The following ERBIN variants were observed in gnomAD, a reference collection of about 807,000 sequenced individuals.
ERBIN encodes densin-180-like protein.
In ERBIN, 60 loss-of-function variants were observed where a neutral mutation model predicts 158.4. That is an observed-to-expected ratio of 0.38 (90% confidence interval 0.31 to 0.47). The LOEUF (loss-of-function observed/expected upper bound fraction) is 0.47. Ranked by LOEUF, ERBIN falls within the 20% of genes least tolerant of loss-of-function variation. ERBIN has a pLI of 0.99. For synonymous variants in ERBIN, 594 were observed against 557.2 expected (o/e 1.07, Z -0.93); for missense variants, 1,610 against 1,648.0 (o/e 0.98, Z 0.40).
intron 1 of ERBIN, among the ~76,000 whole-genome samples, chr5:65,977,141 G>C (rs1322996923): frequency 6.7e-6 from 1 of 148,510 alleles, no homozygotes; most frequent in South Asian, 2.2e-4. Flanking sequence ...TGGCCGGGCG[G>C]GGGGCTGACT....
intron 1 of ERBIN, among the ~76,000 whole-genome samples, chr5:65,978,933 TCTA>T (rs1214068816): frequency 6.6e-6 from 1 of 152,138 alleles, no homozygotes; most frequent in African/African-American, 2.4e-5. Flanking sequence ...AACCCAAGCT[TCTA>T]CTACCTCAGA....
At chr5:66,006,553 TAAAC>T (rs1753622796) in intron 4 of ERBIN, among the ~76,000 whole-genome samples, 1 of 152,046 alleles carries the variant, frequency 6.6e-6, no homozygotes. Flanking sequence ...GGGATCTAAT[TAAAC>T]TAAAGAGCTT....
intron 1 of ERBIN, among the ~76,000 whole-genome samples, chr5:65,977,983 G>GGGAGAGGGAGAA (rs1319842628): frequency 3.3e-5 from 5 of 151,948 alleles, no homozygotes; most frequent in African/African-American, 1.2e-4. Context: ...GAGAGGGAGA[G>GGGAGAGGGAGAA]GGAGCGAGAA....
intron 4 of ERBIN, among the ~76,000 whole-genome samples, chr5:66,006,995 A>G (rs1753672502): frequency 2.1e-5 from 1 of 48,778 alleles, no homozygotes; most frequent in Non-Finnish European, 5.8e-5. Flanking sequence ...TTCCTTAGGG[A>G]TCTAGAATAG....
In ERBIN at chr5:66,076,351, A is replaced by G. The variant is rs1761980826; in HGVS notation, c.3999A>G (p.Gly1333=). ...RVRVEKDPEL[G]FSISGGVGGR... is the part of the protein sequence containing the mutation. The stretch of plus-strand genomic sequence containing the variant: ...GGGTTGAAAAGGATCCAGAACTTGG[A>G]TTTAGCATATCAGGTGGTGTCGGGG... Residue 1333 remains glycine (G), a synonymous_variant, in exon 24 of 26, where the codon GGA becomes GGG. Coordinates refer to ENST00000284037, the MANE Select transcript of ERBIN (RefSeq NM_001253697.2). 1 of 1,613,564 alleles carries G rather than the reference A, an allele frequency of 6.2e-7. No individual in the cohort carries two copies. Among genetic ancestry groups the G allele is most frequent in the African/African-American group, 1.3e-5 (1 of 74,918 alleles).
At chr5:66,022,413 A>T (rs1004976720) in intron 8 of ERBIN, among the ~76,000 whole-genome samples, 2 of 152,192 alleles carry the variant, frequency 1.3e-5, no homozygotes, top group Non-Finnish European at 2.9e-5. Context: ...ACAGTAATGC[A>T]CAAAAGGAAA....
chr5:66,058,624 G>C (rs1200370238), intron 21 of ERBIN, among the ~76,000 whole-genome samples: 3 of 150,308 alleles, frequency 2.0e-5, no homozygotes, highest in South Asian at 2.1e-4. Context: ...CCTATGTCCT[G>C]AATGGTATTG....
intron 7 of ERBIN, among the ~76,000 whole-genome samples, chr5:66,016,606 T>C (rs1464808327): frequency 7.0e-6 from 1 of 143,816 alleles, no homozygotes; most frequent in Non-Finnish European, 1.5e-5. Flanking sequence ...ACTCTTATCT[T>C]CATGAGATCT....
intron 1 of ERBIN, among the ~76,000 whole-genome samples, chr5:65,969,877 A>G (rs747332261): frequency 7.2e-5 from 11 of 152,192 alleles, no homozygotes; most frequent in Non-Finnish European, 1.6e-4. Context: ...CAAGGTGGTC[A>G]TATATTGTTA....
intron 21 of ERBIN, among the ~76,000 whole-genome samples, chr5:66,060,276 A>G (rs1363714447): frequency 3.3e-5 from 5 of 152,110 alleles, no homozygotes; most frequent in Non-Finnish European, 5.9e-5. Flanking sequence ...GGAGAGTGTT[A>G]TGTGTCAAGG....
rs762744098 is a variant in ERBIN at position 65,985,224 on chromosome 5, C to G, written c.-57-3411C>G. Among the ~76,000 whole-genome samples, 38 of 152,180 alleles carry G rather than the reference C, an allele frequency of 2.5e-4. 1 individual carries two copies. The highest frequency in any genetic ancestry group is 8.8e-5 in the Non-Finnish European group (6 of 68,032). The stretch of plus-strand genomic sequence containing the variant: ...TTCTCTCGCCTCAGCCTCTTGAGTA[C>G]TGGGATTACAGGTGCGCACCACCAT... On this transcript the variant is annotated intron_variant, in intron 1 of 25. Transcript: ENST00000284037.
At chr5:65,990,311 C>T (rs1412911409) in intron 2 of ERBIN, among the ~76,000 whole-genome samples, 3 of 152,074 alleles carry the variant, frequency 2.0e-5, no homozygotes, top group African/African-American at 4.8e-5. Flanking sequence ...GTTGTAGTGA[C>T]GATGGAATGA....
intron 9 of ERBIN, 64 bp from the exon 10 acceptor site, chr5:66,024,242 C>A: frequency 9.0e-7 from 1 of 1,112,710 alleles, no homozygotes; most frequent in Non-Finnish European, 1.3e-6. Context: ...CAAGTTTATT[C>A]CCTAAACTTT....
At chr5:66,022,334 C>T (rs1011967143) in intron 8 of ERBIN, among the ~76,000 whole-genome samples, 14 of 152,160 alleles carry the variant, frequency 9.2e-5, no homozygotes, top group Non-Finnish European at 4.4e-5. Context: ...CTTTCAAAAT[C>T]GTCATTAGTT....
At chr5:65,931,879 T>C (rs1177979437) in intron 1 of ERBIN, among the ~76,000 whole-genome samples, 1 of 149,146 alleles carries the variant, frequency 6.7e-6, no homozygotes, top group East Asian at 2.0e-4. Flanking sequence ...AGTGCAGTGG[T>C]GCAGTCTCGG....
rs1473227921 is a variant in ERBIN at position 66,079,371 on chromosome 5, GA to G, written c.*842del. On this transcript the variant is annotated 3_prime_UTR_variant, in exon 26 of 26. Coordinates refer to ENST00000284037, the MANE Select transcript of ERBIN (RefSeq NM_001253697.2). ...ATTTTCTGTGTTATGGAAATCCACT[GA>G]TTTTTTTTTTTTTTTCAAATGGTGG... is the stretch of plus-strand genomic sequence containing the variant. 1 of 146,644 alleles carries G rather than the reference GA, an allele frequency of 6.8e-6. No homozygotes were observed. The highest frequency in any genetic ancestry group is 1.5e-5 in the Non-Finnish European group (1 of 66,536). The allele number at this position is 146,644 out of a possible 1,614,324, so 9.1% of individuals were successfully genotyped here.
intron 2 of ERBIN, among the ~76,000 whole-genome samples, chr5:65,991,073 T>A (rs997308890): frequency 2.0e-5 from 3 of 152,324 alleles, no homozygotes; most frequent in East Asian, 3.9e-4. Context: ...ATCACTTTTT[T>A]AAAAAGATTG....
At position 66,040,046 on chromosome 5, in the gene ERBIN, G is replaced by A. The variant is rs1757778783; in HGVS notation, c.1306+1564G>A. ...TTAGCACTAGTTCTGGAATACAAGA[G>A]TATTTCAAAGCTAAACCTGCTATAA... is the stretch of plus-strand genomic sequence containing the variant. On this transcript the variant is annotated intron_variant, in intron 15 of 25. Transcript: ENST00000284037. Among the ~76,000 whole-genome samples, 3 of 151,908 alleles carry A rather than the reference G, an allele frequency of 2.0e-5. No homozygotes were observed. In the South Asian group the frequency reaches 6.2e-4, roughly 31 times the overall value.
At chr5:66,076,268 T>C (rs1761975067) in intron 23 of ERBIN, 48 bp from the exon 24 acceptor site, 1 of 1,452,118 alleles carries the variant, frequency 6.9e-7, no homozygotes, top group Non-Finnish European at 9.6e-7. Flanking sequence ...TGTTGCATTA[T>C]AACTTTTTCT....
Sources: allele counts gnomAD v4.1 joint callset (sites outside exome capture counted in the v4.1 genomes callset), GRCh38; gene constraint gnomAD v4.1.1; transcripts MANE v1.5; gene names NCBI Gene and HGNC (gene_info 2026-07-23, HGNC 2026-07-21).